FGF13: variants seen among roughly 807,000 people sequenced by gnomAD.
The protein encoded by FGF13 is fibroblast growth factor homologous factor 2.
In FGF13, 2 loss-of-function variants were observed where a neutral mutation model predicts 19.5. That is an observed-to-expected ratio of 0.10 (90% confidence interval 0.04 to 0.32). The LOEUF (loss-of-function observed/expected upper bound fraction) is 0.32. Among genes scored for constraint, FGF13 ranks in the 10% least tolerant of loss-of-function variants. FGF13 has a pLI of 1.00. For synonymous variants in FGF13, 72 were observed against 76.9 expected, an observed-to-expected ratio of 0.94 and a Z score of 0.33; for missense variants, 113 against 192.7, an observed-to-expected ratio of 0.59 and a Z score of 2.45.
chrX:138,932,118 G>C (rs1458471390), intron 1 of FGF13, among the ~76,000 whole-genome samples: 2 of 111,515 alleles, frequency 1.8e-5, no homozygotes, highest in East Asian at 5.6e-4. Flanking sequence ...CTGTTCCTGA[G>C]ATTGGATCCA....
intron 1 of FGF13, among the ~76,000 whole-genome samples, chrX:139,120,190 T>C (rs2083668013): frequency 8.9e-6 from 1 of 112,569 alleles, no homozygotes; most frequent in Admixed American, 9.4e-5. Flanking sequence ...CATGGGGAAC[T>C]CTGAGTCAAT....
chrX:138,784,188 A>G (rs1476351977), intron 3 of FGF13, among the ~76,000 whole-genome samples: 2 of 72,245 alleles, frequency 2.8e-5, no homozygotes, highest in East Asian at 5.8e-4. Flanking sequence ...GGGGGGAGGG[A>G]TAGCACTGGG....
intron 1 of FGF13, among the ~76,000 whole-genome samples, chrX:139,138,455 T>C (rs2083816778): frequency 2.7e-5 from 3 of 111,891 alleles, no homozygotes; most frequent in South Asian, 7.5e-4. Context: ...AGTCTGCTCA[T>C]TGCAGGTCCA....
At position 138,627,038 on chromosome X, in the gene FGF13, A is replaced by C. The variant is rs1235051511; in HGVS notation, c.*5812T>G. 8.9e-6 allele frequency: 1 copy of C among 111,982 alleles called. No homozygotes were observed. Among genetic ancestry groups the C allele is most frequent in the African/African-American group, 3.2e-5 (1 of 30,847 alleles). 9.2% of individuals were successfully genotyped at this position (111,982 alleles called of 1,213,427 possible). On this transcript the variant is annotated 3_prime_UTR_variant, in exon 5 of 5. Transcript: ENST00000315930. ...GAGGTTTCCATATGTGAAGAACATAAAACTGAATAGTTACTTGCAATTGGA... is the reference window on the plus strand; with the variant it reads ...GAGGTTTCCATATGTGAAGAACATACAACTGAATAGTTACTTGCAATTGGA...
In FGF13 at chrX:138,621,993, G is replaced by A. The variant is rs1452709452; in HGVS notation, c.*10857C>T. 9.1e-6 allele frequency: 1 copy of A among 110,017 alleles called. No homozygotes were observed. The highest frequency in any genetic ancestry group is 1.9e-5 in the Non-Finnish European group (1 of 52,594). The allele number at this position is 110,017 out of a possible 1,213,427, so 9.1% of individuals were successfully genotyped here. A position where few individuals can be genotyped will look rare whatever the true frequency, so the allele number is the denominator to read the frequency against. ...ACAAAGTAAAGCCCAGAACCAGATGGCTTCAGTGGTGAATTCTACCCAACA... is the reference window on the plus strand; with the variant it reads ...ACAAAGTAAAGCCCAGAACCAGATGACTTCAGTGGTGAATTCTACCCAACA... On this transcript the variant is annotated 3_prime_UTR_variant, in exon 5 of 5. Transcript: ENST00000315930.
Position 138,705,658 on chromosome X carries a change from C to T in FGF13, c.299-2571G>A, listed in dbSNP as rs967916007. On this transcript the variant is annotated intron_variant, in intron 2 of 4. Transcript: ENST00000315930. ...TAAACATTCAAGATAGATCATAAAC[C>T]GGGTTTGTTTAAAATATGTCTAAAG... 2.7e-5 allele frequency among the ~76,000 whole-genome samples: 3 copies of T among 111,558 alleles called. No individual in the cohort carries two copies. In the South Asian group the frequency reaches 1.1e-3, roughly 41 times the overall value.
At chrX:138,972,056 T>TGTGTG (rs2091919170) in intron 1 of FGF13, among the ~76,000 whole-genome samples, 11 of 94,965 alleles carry the variant, frequency 1.2e-4, no homozygotes, top group African/African-American at 4.2e-4. Flanking sequence ...TAGTATTCTA[T>TGTGTG]TGTGTGTGTG....
intron 1 of FGF13, among the ~76,000 whole-genome samples, chrX:139,125,373 A>T (rs1482196053): frequency 8.9e-6 from 1 of 112,081 alleles, no homozygotes; most frequent in Non-Finnish European, 1.9e-5. Context: ...AAAATTATGG[A>T]TGTTGTAGTG....
chrX:138,851,267 G>C (rs377113957), intron 3 of FGF13, among the ~76,000 whole-genome samples: 2 of 111,820 alleles, frequency 1.8e-5, no homozygotes, highest in East Asian at 2.8e-4. Context: ...TAATGGGATA[G>C]CTGGGTCAAA....
intron 3 of FGF13, among the ~76,000 whole-genome samples, chrX:138,682,826 C>T (rs1033012209): frequency 1.8e-5 from 2 of 111,829 alleles, no homozygotes; most frequent in African/African-American, 6.5e-5. Flanking sequence ...TAGGAATCTT[C>T]TATCTTCTAT....
intron 1 of FGF13, among the ~76,000 whole-genome samples, chrX:138,884,286 A>G (rs2091441495): frequency 8.9e-6 from 1 of 112,172 alleles, no homozygotes; most frequent in Non-Finnish European, 1.9e-5. Context: ...GTCAAATCAC[A>G]TGCCAAAGAT....
intron 1 of FGF13, among the ~76,000 whole-genome samples, chrX:138,894,195 G>A (rs189974350): frequency 9.1e-6 from 1 of 109,792 alleles, no homozygotes; most frequent in East Asian, 2.9e-4. Context: ...GGGATTCGGA[G>A]GAAAGACTAA....
intron 3 of FGF13, among the ~76,000 whole-genome samples, chrX:138,811,743 A>G (rs2090927151): frequency 9.1e-6 from 1 of 110,476 alleles, no homozygotes; most frequent in Admixed American, 9.7e-5. Context: ...AGGACTCTAG[A>G]TTTCCAGTCC....
intron 1 of FGF13, among the ~76,000 whole-genome samples, chrX:139,203,107 G>C (rs754070795): frequency 2.7e-5 from 3 of 112,227 alleles, no homozygotes; most frequent in South Asian, 7.4e-4. Flanking sequence ...ACCGGCAAAG[G>C]GTGGGGGGGC....
chrX:138,704,023 T>C (rs2089972626), intron 2 of FGF13, among the ~76,000 whole-genome samples: 1 of 112,467 alleles, frequency 8.9e-6, no homozygotes, highest in African/African-American at 3.2e-5. Context: ...TTCAGAGTAG[T>C]ATTTCTTAAA....
At chrX:138,703,924 G>A (rs964699873) in intron 2 of FGF13, among the ~76,000 whole-genome samples, 2 of 111,081 alleles carry the variant, frequency 1.8e-5, no homozygotes, top group Non-Finnish European at 3.8e-5. Context: ...ATGTTGGTCA[G>A]GCTGGTCTCG....
In FGF13 at chrX:138,614,908, T is replaced by G. The variant is rs2088955640; in HGVS notation, c.*17942A>C. 3 of 112,295 alleles carry G rather than the reference T, an allele frequency of 2.7e-5. No homozygotes were observed. In the South Asian group the frequency reaches 1.1e-3, roughly 41 times the overall value. 9.3% of individuals were successfully genotyped at this position (112,295 alleles called of 1,213,427 possible). On this transcript the variant is annotated 3_prime_UTR_variant, in exon 5 of 5. Transcript: ENST00000315930. ...GTTTGGATGCATCTCAAGGGAATTG[T>G]GCTGAGTGACAAAAGCCAATCTCTA...
intron 1 of FGF13, among the ~76,000 whole-genome samples, chrX:139,027,121 A>T (rs886485098): frequency 1.8e-5 from 2 of 111,967 alleles, no homozygotes; most frequent in African/African-American, 3.2e-5. Flanking sequence ...CATTACACAT[A>T]TCCATTGCAT....
intron 1 of FGF13, among the ~76,000 whole-genome samples, chrX:139,016,082 G>T (rs1353308602): frequency 1.8e-5 from 2 of 111,442 alleles, no homozygotes; most frequent in African/African-American, 6.5e-5. Context: ...ATATGAAACT[G>T]CCCATCTCCT....
Sources: gnomAD v4.1 joint callset for allele counts (sites outside exome capture counted in the v4.1 genomes callset) on GRCh38, gnomAD v4.1.1 for gene constraint, MANE v1.5 for transcripts, NCBI Gene and HGNC (gene_info 2026-07-23, HGNC 2026-07-21) for gene names.